The following ATP2B2 variants were observed in gnomAD, a reference collection of about 807,000 sequenced individuals.
ATP2B2 encodes the protein plasma membrane calcium-transporting ATPase 2.
Under a neutral mutation model 120.0 loss-of-function variants are expected in ATP2B2, and 15 were observed. The ratio of observed to expected loss-of-function variants is 0.12; its 90% confidence interval spans 0.08 to 0.19. ATP2B2 has a LOEUF of 0.19. ATP2B2 is among the 10% of genes least tolerant of loss of function. The pLI, the probability that ATP2B2 is intolerant of heterozygous loss-of-function variation, is 1.00. For synonymous variants in ATP2B2, 694 were observed against 700.3 expected, an observed-to-expected ratio of 0.99 and a Z score of 0.14; for missense variants, 1,045 against 1,719.8, an observed-to-expected ratio of 0.61 and a Z score of 6.94.
chr3:10,684,895 C>G (rs1482473641), intron 1 of ATP2B2, among the ~76,000 whole-genome samples: 2 of 152,168 alleles, frequency 1.3e-5, no homozygotes, highest in Non-Finnish European at 2.9e-5. Flanking sequence ...TCTCTGCTGT[C>G]GTTAAGTTCA....
intron 2 of ATP2B2, among the ~76,000 whole-genome samples, chr3:10,440,100 TAAAAAA>T (rs71055819): frequency 3.6e-4 from 10 of 28,168 alleles, no homozygotes; most frequent in East Asian, 3.0e-3. Flanking sequence ...AGACTCTATC[TAAAAAA>T]AAAAAAAAAA....
chr3:10,399,620 G>C (rs1345979657), intron 5 of ATP2B2, among the ~76,000 whole-genome samples: 1 of 152,218 alleles, frequency 6.6e-6, no homozygotes, highest in African/African-American at 2.4e-5. Context: ...GTGGCACACA[G>C]TATGTGCTTA....
chr3:10,405,514 CA>C (rs1402858879), intron 3 of ATP2B2, among the ~76,000 whole-genome samples: 1 of 152,002 alleles, frequency 6.6e-6, no homozygotes, highest in Non-Finnish European at 1.5e-5. Context: ...GCCCCTGGAG[CA>C]ATTAGGGAGA....
chr3:10,419,282 C>T (rs1575172488), intron 2 of ATP2B2, among the ~76,000 whole-genome samples: 1 of 152,142 alleles, frequency 6.6e-6, no homozygotes, highest in Non-Finnish European at 1.5e-5. Context: ...CAGACAATGC[C>T]TCTGTGGGAA....
chr3:10,485,978 G>C (rs925544590), intron 1 of ATP2B2, among the ~76,000 whole-genome samples: 1 of 152,190 alleles, frequency 6.6e-6, no homozygotes, highest in Non-Finnish European at 1.5e-5. Context: ...GCGCCATTGC[G>C]ACATGGGGCC....
chr3:10,703,440 A>G (rs1165488787), intron 1 of ATP2B2, among the ~76,000 whole-genome samples: 1 of 151,836 alleles, frequency 6.6e-6, no homozygotes, highest in Non-Finnish European at 1.5e-5. Flanking sequence ...CTTCTATTCT[A>G]TTAGGGAGAA....
chr3:10,549,856 A>G (rs928535581), intron 2 of ATP2B2, among the ~76,000 whole-genome samples: 8 of 152,218 alleles, frequency 5.3e-5, no homozygotes, highest in African/African-American at 1.9e-4. Flanking sequence ...AATGGCCAGC[A>G]CAGGGGAGGG....
intron 4 of ATP2B2, among the ~76,000 whole-genome samples, chr3:10,401,654 C>T (rs1442472120): frequency 3.3e-5 from 5 of 152,206 alleles, no homozygotes; most frequent in Non-Finnish European, 7.3e-5. Flanking sequence ...ACTTATCCAC[C>T]TACACACTTT....
rs114614682 is a variant in ATP2B2, at chr3:10,653,943, C to G, written c.-459-33982G>C. On this transcript the variant is annotated intron_variant, in intron 1 of 21. Coordinates refer to the ATP2B2 transcript ENST00000646379. ...TCCTGTCCCTCCACTTCCAATACCCCCTTCTTCTGTGAGGCCTTCTTGATA... is the reference window on the plus strand; with the variant it reads ...TCCTGTCCCTCCACTTCCAATACCCGCTTCTTCTGTGAGGCCTTCTTGATA... Among the ~76,000 whole-genome samples, 283 of 152,182 alleles carry G rather than the reference C, an allele frequency of 1.9e-3. 1 individual carries two copies. The highest frequency in any genetic ancestry group is 3.1e-3 in the Non-Finnish European group (213 of 68,018).
chr3:10,343,062 G>A lies in ATP2B2; in HGVS notation c.2704-97C>T, dbSNP rs2060327230. The A allele has an allele frequency of 3.8e-6, 5 of 1,330,956 alleles. No homozygotes were observed. Among genetic ancestry groups the A allele is most frequent in the Admixed American group, 1.8e-5 (1 of 56,382 alleles). 82.4% of individuals were successfully genotyped at this position (1,330,956 alleles called of 1,614,324 possible). ...GTGTAGTGTCCGCAGGCTCCTGCTG[G>A]AGGCTGGAGTCCGACCTGCCCCTTG... On this transcript the variant is annotated intron_variant, in intron 18 of 22. Transcript: ENST00000360273. This position sits in a 1 kb window ranked among gnomAD's most constrained non-coding sequence, Gnocchi z 4.2.
chr3:10,575,051 T>G (rs1336393937), intron 2 of ATP2B2, among the ~76,000 whole-genome samples: 2 of 152,160 alleles, frequency 1.3e-5, no homozygotes, highest in African/African-American at 4.8e-5. Context: ...ACCCTGGTAT[T>G]TCTGAATCCT....
chr3:10,433,620 C>G (rs1432456426), intron 2 of ATP2B2, among the ~76,000 whole-genome samples: 1 of 152,094 alleles, frequency 6.6e-6, no homozygotes, highest in Non-Finnish European at 1.5e-5. Context: ...CAAGACGAAA[C>G]CATGAAGGTT....
chr3:10,588,263 T>C (rs2068560412), intron 2 of ATP2B2, among the ~76,000 whole-genome samples: 1 of 152,222 alleles, frequency 6.6e-6, no homozygotes, highest in Non-Finnish European at 1.5e-5. Flanking sequence ...GATGGTCAAA[T>C]GTCTCTAGAC....
chr3:10,437,521 G>A (rs1019375859), intron 2 of ATP2B2, among the ~76,000 whole-genome samples: 1 of 152,254 alleles, frequency 6.6e-6, no homozygotes, highest in South Asian at 2.1e-4. Flanking sequence ...ACTTCCTAAC[G>A]CCCACTTCTT....
intron 3 of ATP2B2, among the ~76,000 whole-genome samples, chr3:10,517,877 G>A (rs183955259): frequency 7.9e-5 from 12 of 152,362 alleles, no homozygotes; most frequent in South Asian, 2.1e-4. Flanking sequence ...TTTCCCTGTC[G>A]TTGAGGGAGC....
intron 8 of ATP2B2, among the ~76,000 whole-genome samples, chr3:10,382,804 TG>T (rs1468733139): frequency 1.3e-5 from 2 of 152,028 alleles, no homozygotes; most frequent in Admixed American, 6.5e-5. Context: ...ATTTTTCAGT[TG>T]GGGGCTTGGG....
At chr3:10,613,531 T>C (rs955854618) in intron 2 of ATP2B2, among the ~76,000 whole-genome samples, 2 of 152,080 alleles carry the variant, frequency 1.3e-5, no homozygotes, top group Non-Finnish European at 2.9e-5. Flanking sequence ...TGATGACTTA[T>C]AAAACACCAT....
intron 3 of ATP2B2, among the ~76,000 whole-genome samples, chr3:10,518,443 A>G (rs547875800): frequency 3.9e-5 from 6 of 152,172 alleles, no homozygotes; most frequent in Non-Finnish European, 8.8e-5. Context: ...GGAGGTTAGA[A>G]GGGATAGGGG....
chr3:10,591,759 G>A (rs988378768), intron 2 of ATP2B2, among the ~76,000 whole-genome samples: 4 of 152,178 alleles, frequency 2.6e-5, no homozygotes, highest in African/African-American at 7.2e-5. Flanking sequence ...ACACCAAATT[G>A]GTCCGATCCC....
Sources: gnomAD v4.1 joint callset for allele counts (sites outside exome capture counted in the v4.1 genomes callset) on GRCh38, gnomAD v4.1.1 for gene constraint, Gnocchi (gnomAD v3.1) non-coding constraint, MANE v1.5 for transcripts, NCBI Gene and HGNC (gene_info 2026-07-23, HGNC 2026-07-21) for gene names.